Variants in SCFD2 observed in about 807,000 individuals in gnomAD.
The protein encoded by SCFD2 is sec1 family domain containing 2, also known as sec1 family domain-containing protein 2.
SCFD2 carries 54 observed loss-of-function variants against 58.9 expected under a neutral mutation model. That is an observed-to-expected ratio of 0.92 (90% confidence interval 0.74 to 1.15). The LOEUF (loss-of-function observed/expected upper bound fraction) is 1.15. Ranked by LOEUF, SCFD2 falls within the 50% of genes most tolerant of loss-of-function variation. The pLI is 0.00. For synonymous variants in SCFD2, 321 were observed against 335.9 expected, an observed-to-expected ratio of 0.96 and a Z score of 0.49; for missense variants, 805 against 836.6, an observed-to-expected ratio of 0.96 and a Z score of 0.47.
At chr4:53,254,562 C>A (rs1306091350) in intron 4 of SCFD2, among the ~76,000 whole-genome samples, 1 of 151,052 alleles carries the variant, frequency 6.6e-6, no homozygotes, top group African/African-American at 2.4e-5. Context: ...TGGTCTCGAA[C>A]CCCTGACCTC....
chr4:53,287,429 G>A (rs1731704973), intron 3 of SCFD2, among the ~76,000 whole-genome samples: 1 of 152,166 alleles, frequency 6.6e-6, no homozygotes, highest in South Asian at 2.1e-4. Context: ...TGCCACCACT[G>A]TTGCCAAAAA....
At chr4:53,129,228 C>CAGAAG (rs1250231623) in intron 5 of SCFD2, among the ~76,000 whole-genome samples, 1 of 149,828 alleles carries the variant, frequency 6.7e-6, no homozygotes, top group African/African-American at 2.4e-5. Flanking sequence ...GAAAACAAAA[C>CAGAAG]AAAACAAAAC....
chr4:53,238,410 C>G (rs1729754557), intron 4 of SCFD2, among the ~76,000 whole-genome samples: 1 of 145,354 alleles, frequency 6.9e-6, no homozygotes, highest in Non-Finnish European at 1.5e-5. Context: ...GGGCTGACCC[C>G]CCTACCTCCC....
chr4:52,995,311 G>A (rs970280377), intron 5 of SCFD2, among the ~76,000 whole-genome samples: 1 of 152,136 alleles, frequency 6.6e-6, no homozygotes, highest in African/African-American at 2.4e-5. Context: ...ACTCCCAAGA[G>A]AATCTAACGC....
intron 2 of SCFD2, among the ~76,000 whole-genome samples, chr4:53,349,476 A>C (rs1734152228): frequency 6.6e-6 from 1 of 152,182 alleles, no homozygotes; most frequent in Non-Finnish European, 1.5e-5. Flanking sequence ...CAGTTATCAG[A>C]CTCAATATGT....
intron 3 of SCFD2, among the ~76,000 whole-genome samples, chr4:53,283,902 G>A (rs1731580893): frequency 1.3e-5 from 2 of 151,952 alleles, no homozygotes; most frequent in African/African-American, 4.8e-5. Context: ...CGGATCACAA[G>A]GTCAGGAGAT....
At chr4:53,155,989 C>A (rs754817878) in intron 4 of SCFD2, among the ~76,000 whole-genome samples, 1 of 152,134 alleles carries the variant, frequency 6.6e-6, no homozygotes, top group East Asian at 1.9e-4. Flanking sequence ...ATAAAGGCAG[C>A]GGCTCCAAAC....
At chr4:52,950,035 A>G (rs1260315195) in intron 5 of SCFD2, 1 of 152,244 alleles carries the variant, frequency 6.6e-6, no homozygotes, top group Admixed American at 6.5e-5. Flanking sequence ...ACAACAGTGC[A>G]GCAGACACTT....
chr4:53,022,181 T>G (rs979900407), intron 5 of SCFD2, among the ~76,000 whole-genome samples: 2 of 152,172 alleles, frequency 1.3e-5, no homozygotes, highest in African/African-American at 2.4e-5. Context: ...GGATGTCAAA[T>G]GTTAACTATT....
At chr4:53,155,365 C>G (rs1045785404) in intron 4 of SCFD2, among the ~76,000 whole-genome samples, 1 of 152,194 alleles carries the variant, frequency 6.6e-6, no homozygotes, top group Non-Finnish European at 1.5e-5. Flanking sequence ...CCCTCTCTTG[C>G]TCTCTCAACC....
intron 4 of SCFD2, among the ~76,000 whole-genome samples, chr4:53,148,854 C>CA (rs952396644): frequency 1.3e-5 from 2 of 152,122 alleles, no homozygotes; most frequent in Non-Finnish European, 2.9e-5. Flanking sequence ...CTACATAAAA[C>CA]AAAAAACTAG....
intron 5 of SCFD2, among the ~76,000 whole-genome samples, chr4:52,979,168 G>C (rs1312698948): frequency 6.6e-6 from 1 of 151,968 alleles, no homozygotes; most frequent in Non-Finnish European, 1.5e-5. Flanking sequence ...CCTGTTCCCA[G>C]GAGGCTTTTC....
rs1371433124 is a variant in SCFD2 at position 53,181,949 on chromosome 4, T to C, written c.1312-36367A>G. Among the ~76,000 whole-genome samples, 7 of 152,294 alleles carry C rather than the reference T, an allele frequency of 4.6e-5. No individual in the cohort carries two copies. The South Asian group carries it at 8.3e-4, about 18-fold the overall frequency. ...ACCTAGGAATCCAACTTACAAGGGA[T>C]GTGAAGGACCTCTTTAAGGAGAACT... On this transcript the variant is annotated intron_variant, in intron 4 of 8. Coordinates refer to ENST00000401642, the MANE Select transcript of SCFD2 (RefSeq NM_152540.4).
rs182377822 is a variant in SCFD2 at position 52,928,948 on chromosome 4, C to T, written c.1562-8078G>A. Among the ~76,000 whole-genome samples, 76 of 152,226 alleles carry T rather than the reference C, an allele frequency of 5.0e-4. 1 individual carries two copies. The highest frequency in any genetic ancestry group is 6.3e-4 in the Non-Finnish European group (43 of 68,018). On this transcript the variant is annotated intron_variant, in intron 5 of 8. Transcript: ENST00000401642. ...AAGCAGCAGCACTGATTTTCTTGAG[C>T]GGCTGATAAACTGTTTCTGCATGAA...
chr4:53,231,288 A>G (rs1256767153), intron 4 of SCFD2, among the ~76,000 whole-genome samples: 1 of 152,146 alleles, frequency 6.6e-6, no homozygotes, highest in Admixed American at 6.6e-5. Flanking sequence ...TACTCACTAG[A>G]TAATGCAAGC....
chr4:52,974,641 A>C (rs1445517101), intron 5 of SCFD2, among the ~76,000 whole-genome samples: 2 of 152,140 alleles, frequency 1.3e-5, no homozygotes, highest in African/African-American at 2.4e-5. Flanking sequence ...GCTACCAATG[A>C]CTTTCTTCAC....
rs774885123 is a variant in SCFD2 at position 53,365,180 on chromosome 4, G to A, written c.762C>T (p.Ala254=). The change falls in exon 1 of 9, where the codon GCC becomes GCT. Residue 254 remains alanine, a synonymous_variant. Transcript: ENST00000401642. The surrounding 1 kb of genome is among the most constrained non-coding windows in gnomAD (Gnocchi z 4.3). ...CAGTCTTCTTCCTGTTCTTTGCAGGGGCATAATTGGCCAGATCCGCAGCGA... is the reference window on the plus strand; with the variant it reads ...CAGTCTTCTTCCTGTTCTTTGCAGGAGCATAATTGGCCAGATCCGCAGCGA... The part of the protein sequence containing the change: ...QVIAADLANY[A]PAKNRKKTAA... 1 of 1,614,152 alleles carries A rather than the reference G, an allele frequency of 6.2e-7. No individual in the cohort carries two copies. Among genetic ancestry groups the A allele is most frequent in the East Asian group, 2.2e-5 (1 of 44,876 alleles).
At chr4:52,978,247 C>T (rs189614047) in intron 5 of SCFD2, among the ~76,000 whole-genome samples, 1 of 152,262 alleles carries the variant, frequency 6.6e-6, no homozygotes, top group African/African-American at 2.4e-5. Context: ...GCTGTGAACA[C>T]AGAAAGTCAC....
intron 2 of SCFD2, among the ~76,000 whole-genome samples, chr4:53,329,944 G>T (rs1349282068): frequency 1.4e-5 from 2 of 145,098 alleles, no homozygotes; most frequent in East Asian, 4.1e-4. Context: ...ACTACATGAA[G>T]AATGCAGAAG....
Sources: allele counts gnomAD v4.1 joint callset (sites outside exome capture counted in the v4.1 genomes callset), GRCh38; gene constraint gnomAD v4.1.1; non-coding constraint Gnocchi (gnomAD v3.1); transcripts MANE v1.5; gene names NCBI Gene and HGNC (gene_info 2026-07-23, HGNC 2026-07-21).